Variants in ASB11 observed in about 807,000 individuals in gnomAD.
The protein encoded by ASB11 is ankyrin repeat and SOCS box protein 11.
A neutral mutation model predicts 20.1 loss-of-function variants in ASB11; 17 were observed. That is an observed-to-expected ratio of 0.85 (90% CI 0.58 to 1.27). The LOEUF (loss-of-function observed/expected upper bound fraction) is 1.27. Ranked by LOEUF, ASB11 falls within the 50% of genes most tolerant of loss-of-function variation. The probability of loss-of-function intolerance (pLI) is 0.00; values close to 1 mark genes in which losing one functional copy is unlikely to be tolerated. For missense variants in ASB11, 259 were observed against 256.9 expected, an observed-to-expected ratio of 1.01 and a Z score of -0.06; for synonymous variants, 107 against 105.6, an observed-to-expected ratio of 1.01 and a Z score of -0.08.
At chrX:15,313,256 G>A (rs1035049337) in intron 1 of ASB11, among the ~76,000 whole-genome samples, 4 of 110,602 alleles carry the variant, frequency 3.6e-5, no homozygotes, top group Admixed American at 2.9e-4. Flanking sequence ...AAAATTAGCC[G>A]GGCGTGGTGG....
chrX:15,286,188 G>A (rs952777677), intron 6 of ASB11, among the ~76,000 whole-genome samples: 3 of 110,928 alleles, frequency 2.7e-5, no homozygotes, highest in African/African-American at 9.9e-5. Flanking sequence ...GAACTGATAT[G>A]CATGTTAAAT....
intron 1 of ASB11, among the ~76,000 whole-genome samples, chrX:15,307,467 A>C (rs1224788065): frequency 8.9e-6 from 1 of 112,425 alleles, no homozygotes; most frequent in Non-Finnish European, 1.9e-5. Context: ...AATGTAATCT[A>C]GGTCCCTTGC....
chrX:15,299,001 C>A (rs1920996523), intron 2 of ASB11, among the ~76,000 whole-genome samples: 1 of 111,748 alleles, frequency 8.9e-6, no homozygotes, highest in Admixed American at 9.5e-5. Flanking sequence ...GTGTCCCCTT[C>A]CTTGTCCTGG....
intron 6 of ASB11, among the ~76,000 whole-genome samples, chrX:15,283,962 G>A (rs1927269489): frequency 9.0e-6 from 1 of 111,409 alleles, no homozygotes; most frequent in Non-Finnish European, 1.9e-5. Context: ...CAATGAAAGT[G>A]ATACACGGGG....
At chrX:15,305,814 T>C (rs1921226795) in intron 1 of ASB11, among the ~76,000 whole-genome samples, 1 of 111,886 alleles carries the variant, frequency 8.9e-6, no homozygotes, top group African/African-American at 3.3e-5. Flanking sequence ...ATGTGCAGGT[T>C]TGTTCCATAG....
intron 1 of ASB11, among the ~76,000 whole-genome samples, chrX:15,304,432 A>G (rs1016770250): frequency 2.7e-5 from 3 of 112,742 alleles, no homozygotes; most frequent in East Asian, 5.5e-4. Flanking sequence ...ATATCTAGAT[A>G]TAAAAGTAAA....
At chrX:15,306,390 A>C (rs953545382) in intron 1 of ASB11, among the ~76,000 whole-genome samples, 1 of 111,977 alleles carries the variant, frequency 8.9e-6, no homozygotes, top group Non-Finnish European at 1.9e-5. Context: ...AGTTGGTTGA[A>C]AGCTGACAAG....
chrX:15,299,640 C>G (rs1481958831), intron 2 of ASB11, among the ~76,000 whole-genome samples: 1 of 111,503 alleles, frequency 9.0e-6, no homozygotes, highest in African/African-American at 3.3e-5. Flanking sequence ...TTCAACCCCC[C>G]TTTCCTGTCA....
chrX:15,286,054 C>T (rs180988234), intron 6 of ASB11, among the ~76,000 whole-genome samples: 49 of 110,377 alleles, frequency 4.4e-4, no homozygotes, highest in African/African-American at 1.5e-3. Flanking sequence ...ACCAGTGGTA[C>T]GCAAAGTGTG....
Position 15,287,935 on chromosome X carries a change from G to A in ASB11, c.793C>T (p.Leu265Phe). 1 of 1,211,690 alleles carries A rather than the reference G, an allele frequency of 8.3e-7. No individual in the cohort carries two copies. The highest frequency in any genetic ancestry group is 1.1e-6 in the Non-Finnish European group (1 of 895,430). The change falls in exon 6 of 7, where the codon CTT becomes TTT. Residue 265 changes from leucine to phenylalanine, a missense_variant. Transcript: ENST00000480796. ...CTGCTTTTTGGAGCCGCCAGATCAA[G>A]CGCACTTTTGCCCTGAGCATTTCTA... Reference protein sequence around the residue: ...KRRNAQGKSALDLAAPKSSVE... With the variant: ...KRRNAQGKSAFDLAAPKSSVE...
intron 1 of ASB11, among the ~76,000 whole-genome samples, chrX:15,313,502 T>C (rs1444610980): frequency 2.7e-5 from 3 of 111,316 alleles, no homozygotes; most frequent in East Asian, 5.6e-4. Context: ...CATATACATA[T>C]ATATATGAAA....
intron 1 of ASB11, among the ~76,000 whole-genome samples, chrX:15,313,506 T>C (rs1180447156): frequency 9.0e-6 from 1 of 111,384 alleles, no homozygotes; most frequent in African/African-American, 3.3e-5. Context: ...TACATATATA[T>C]ATGAAAGAAA....
chrX:15,283,263 T>C lies in ASB11; in HGVS notation c.*242A>G. The C allele has an allele frequency of 3.2e-6, 1 of 308,764 alleles. No individual in the cohort carries two copies. 25.4% of individuals were successfully genotyped at this position (308,764 alleles called of 1,213,427 possible). ...TTTTCACTCTACTTCACAGTTCTTT[T>C]AAGTTTCTTAACAACAAGAGCTAAA... On this transcript the variant is annotated 3_prime_UTR_variant, in exon 7 of 7. Coordinates refer to ENST00000480796, the MANE Select transcript of ASB11 (RefSeq NM_080873.3).
chrX:15,283,232 C>T lies in ASB11; in HGVS notation c.*273G>A, dbSNP rs1374967900. The T allele has an allele frequency of 4.3e-6, 1 of 232,479 alleles. No homozygotes were observed. Among genetic ancestry groups the T allele is most frequent in the Non-Finnish European group, 7.7e-6 (1 of 129,596 alleles). 19.2% of individuals were successfully genotyped at this position (232,479 alleles called of 1,213,427 possible). On this transcript the variant is annotated 3_prime_UTR_variant, in exon 7 of 7. Coordinates refer to ENST00000480796, the MANE Select transcript of ASB11 (RefSeq NM_080873.3). ...AGATCCCGAATCATCAAAAAACAGC[C>T]TATTGTTTTCACTCTACTTCACAGT...
rs770874074 is a variant in ASB11, at chrX:15,288,144, T to C, written c.656-72A>G. 5.9e-6 allele frequency: 6 copies of C among 1,025,152 alleles called. No homozygotes were observed. In the South Asian group the frequency reaches 7.6e-5, roughly 13 times the overall value. The allele number at this position is 1,025,152 out of a possible 1,213,427, so 84.5% of individuals were successfully genotyped here. Reference sequence around the variant, plus strand: ...GCACAATGAGCTTCAAATATAGTCATTGCATATAAAGACATTTTAAGTACC... The same window carrying C: ...GCACAATGAGCTTCAAATATAGTCACTGCATATAAAGACATTTTAAGTACC... On this transcript the variant is annotated intron_variant, in intron 5 of 6. Transcript: ENST00000480796.
In ASB11 at chrX:15,315,467, CTT is replaced by C. The variant is rs754956809; in HGVS notation, c.137_138del (p.Lys46ArgfsTer4). On this transcript the variant is annotated frameshift_variant, in exon 1 of 7. Coordinates refer to ENST00000480796, the MANE Select transcript of ASB11 (RefSeq NM_080873.3). LOFTEE classifies it high-confidence loss of function. ...ATCTCTTCTGCTATCCTAGCCGCTT[CTT>C]TTCTATTTCCTTTGACGATATAGAA... Reference protein sequence around the residue: ...THFYIVKGNRKEAARIAEEIY... With the variant: ...THFYIVKGNRXEAARIAEEIY... 11 of 1,157,443 alleles carry C rather than the reference CTT, an allele frequency of 9.5e-6. No individual in the cohort carries two copies. Among genetic ancestry groups the C allele is most frequent in the Non-Finnish European group, 1.3e-5 (11 of 872,899 alleles).
rs951080429 is a variant in ASB11, at chrX:15,302,792, C to T, written c.197G>A (p.Arg66Gln). Reference protein sequence around the residue: ...YGGISDCWADRSPLHEAAAQG... With the variant: ...YGGISDCWADQSPLHEAAAQG... ...AGCTGCAGCTTCATGAAGTGGGGATCGATCAGCCCAGCAATCTGAAACACA... is the reference window on the plus strand; with the variant it reads ...AGCTGCAGCTTCATGAAGTGGGGATTGATCAGCCCAGCAATCTGAAACACA... The change falls in exon 2 of 7, where the codon CGA becomes CAA. Residue 66 changes from arginine to glutamine, a missense_variant. Arg to Gln is a conservative substitution (Grantham distance 43). Transcript: ENST00000480796. The T allele has an allele frequency of 3.3e-6, 4 of 1,210,175 alleles. No homozygotes were observed. The highest frequency in any genetic ancestry group is 3.0e-5 in the East Asian group (1 of 33,799).
intron 1 of ASB11, among the ~76,000 whole-genome samples, chrX:15,309,098 G>T (rs971542644): frequency 9.0e-6 from 1 of 110,824 alleles, no homozygotes; most frequent in African/African-American, 3.3e-5. Context: ...AGTATTTTTA[G>T]TAGAGACGGG....
intron 1 of ASB11, among the ~76,000 whole-genome samples, chrX:15,303,366 A>G (rs1228354295): frequency 8.9e-6 from 1 of 111,880 alleles, no homozygotes; most frequent in African/African-American, 3.2e-5. Flanking sequence ...TCACAAAAAA[A>G]TCTCGTAAGT....
Sources: gnomAD v4.1 joint callset for allele counts (sites outside exome capture counted in the v4.1 genomes callset) on GRCh38, gnomAD v4.1.1 for gene constraint, MANE v1.5 for transcripts, NCBI Gene and HGNC (gene_info 2026-07-23, HGNC 2026-07-21) for gene names.